Variants in WWOX observed in about 807,000 individuals in gnomAD.
The protein encoded by WWOX is WW domain containing oxidoreductase, also known as WW domain-containing oxidoreductase.
A neutral mutation model predicts 46.2 loss-of-function variants in WWOX; 69 were observed. That is an observed-to-expected ratio of 1.49 (90% CI 1.23 to 1.82). The LOEUF (loss-of-function observed/expected upper bound fraction) is 1.82, where lower values mean the gene tolerates loss of function less well. Among genes scored for constraint, WWOX ranks in the 40% most tolerant of loss-of-function variants. WWOX has a pLI of 0.00. For missense variants in WWOX, 919 were observed against 542.6 expected, an observed-to-expected ratio of 1.69 and a Z score of -6.89; for synonymous variants, 359 against 202.6, an observed-to-expected ratio of 1.77 and a Z score of -6.56.
At chr16:79,010,435 C>T (rs1304822402) in intron 8 of WWOX, among the ~76,000 whole-genome samples, 1 of 152,162 alleles carries the variant, frequency 6.6e-6, no homozygotes, top group African/African-American at 2.4e-5. Context: ...CACGGAGGAC[C>T]TGCCACTGGG....
intron 8 of WWOX, among the ~76,000 whole-genome samples, chr16:78,750,011 C>T (rs757104186): frequency 7.2e-5 from 11 of 152,192 alleles, no homozygotes; most frequent in Middle Eastern, 3.4e-3. Flanking sequence ...CCCTTCTTGT[C>T]GTTCAGTAGT....
At chr16:78,701,420 G>C (rs564663331) in intron 8 of WWOX, among the ~76,000 whole-genome samples, 4 of 152,152 alleles carry the variant, frequency 2.6e-5, no homozygotes, top group Admixed American at 2.6e-4. Context: ...CCCTCCATCT[G>C]ACAGGAGGTT....
chr16:78,279,308 T>G (rs771504667), intron 5 of WWOX, among the ~76,000 whole-genome samples: 1 of 152,122 alleles, frequency 6.6e-6, no homozygotes, highest in Non-Finnish European at 1.5e-5. Flanking sequence ...TTAAGTATTT[T>G]GCAAATTAAA....
chr16:78,503,368 G>A (rs16919), intron 8 of WWOX, among the ~76,000 whole-genome samples: 134,524 of 152,110 alleles, frequency 0.88, 60,433 homozygotes, highest in Non-Finnish European at 0.97. Flanking sequence ...ATTTAGTTCA[G>A]ATAATACATA....
intron 3 of WWOX, among the ~76,000 whole-genome samples, chr16:78,114,500 G>A (rs772924188): frequency 1.3e-5 from 2 of 152,266 alleles, no homozygotes; most frequent in Non-Finnish European, 1.5e-5. Flanking sequence ...AATGAAAATC[G>A]TTAGAATTTT....
intron 1 of WWOX, among the ~76,000 whole-genome samples, chr16:78,104,252 A>T (rs1476554443): frequency 1.3e-5 from 2 of 150,974 alleles, no homozygotes; most frequent in African/African-American, 4.9e-5. Context: ...ACACACACAC[A>T]CACACACACA....
rs2044510996 is a variant in WWOX, at chr16:78,564,299, G to C, written c.1056+131547G>C. Among the ~76,000 whole-genome samples, 2 of 152,244 alleles carry C rather than the reference G, an allele frequency of 1.3e-5. 1 individual carries two copies. Among genetic ancestry groups the C allele is most frequent in the Admixed American group, 1.3e-4 (2 of 15,284 alleles). On this transcript the variant is annotated intron_variant, in intron 8 of 8. Transcript: ENST00000566780. ...GGGAGCTGTTGTAAAGAAGTAAAAT[G>C]TGTAGTGTTTGCCCTTTTCCTCAGC...
At chr16:78,521,489 C>G (rs1477066196) in intron 8 of WWOX, among the ~76,000 whole-genome samples, 1 of 152,060 alleles carries the variant, frequency 6.6e-6, no homozygotes, top group African/African-American at 2.4e-5. Context: ...ACGCCAGTAC[C>G]TGCCACCTGT....
intron 8 of WWOX, among the ~76,000 whole-genome samples, chr16:79,100,603 G>A (rs1467616520): frequency 6.6e-6 from 1 of 152,072 alleles, no homozygotes; most frequent in Non-Finnish European, 1.5e-5. Context: ...CCTCACCCGT[G>A]TCTCTTAACA....
At chr16:78,488,226 G>C (rs2738703) in intron 8 of WWOX, among the ~76,000 whole-genome samples, 25,301 of 152,110 alleles carry the variant, frequency 0.17, 3,255 homozygotes, top group African/African-American at 0.36. Flanking sequence ...ATCCTGGTAC[G>C]CTGGAAGTTG....
intron 8 of WWOX, among the ~76,000 whole-genome samples, chr16:78,490,928 G>A (rs2084769147): frequency 6.6e-6 from 1 of 152,164 alleles, no homozygotes; most frequent in Non-Finnish European, 1.5e-5. Context: ...GAGCTCATAT[G>A]GAAGAGGCAT....
chr16:78,365,582 C>A (rs564301732), intron 5 of WWOX, among the ~76,000 whole-genome samples: 1 of 152,164 alleles, frequency 6.6e-6, no homozygotes, highest in Non-Finnish European at 1.5e-5. Flanking sequence ...TTCCCTGAAT[C>A]ATAGTGTTGC....
At chr16:78,813,739 C>T (rs1567578124) in intron 8 of WWOX, among the ~76,000 whole-genome samples, 1 of 152,120 alleles carries the variant, frequency 6.6e-6, no homozygotes, top group African/African-American at 2.4e-5. Flanking sequence ...CTCTTTGTCG[C>T]CGTTAATTTT....
intron 5 of WWOX, among the ~76,000 whole-genome samples, chr16:78,242,395 A>C (rs1031312802): frequency 1.3e-5 from 2 of 152,168 alleles, no homozygotes; most frequent in Non-Finnish European, 2.9e-5. Context: ...CATTAACACA[A>C]CTTCTCCGTG....
intron 8 of WWOX, among the ~76,000 whole-genome samples, chr16:79,113,121 G>A (rs2049448882): frequency 6.6e-6 from 1 of 152,192 alleles, no homozygotes; most frequent in South Asian, 2.1e-4. Context: ...AAACATATGT[G>A]TGTGTAATTA....
intron 8 of WWOX, among the ~76,000 whole-genome samples, chr16:78,736,371 T>A (rs1283620552): frequency 6.6e-6 from 1 of 152,012 alleles, no homozygotes. Context: ...CCAGAGAAGG[T>A]CACAAAAGCT....
At chr16:78,541,290 C>T (rs988598749) in intron 8 of WWOX, among the ~76,000 whole-genome samples, 2 of 150,716 alleles carry the variant, frequency 1.3e-5, no homozygotes, top group Non-Finnish European at 3.0e-5. Context: ...CCGGCTAAAA[C>T]GGTGAAACCC....
At chr16:79,179,335 AGG>A (rs1222267887) in intron 8 of WWOX, among the ~76,000 whole-genome samples, 2 of 152,178 alleles carry the variant, frequency 1.3e-5, no homozygotes, top group Non-Finnish European at 2.9e-5. Flanking sequence ...CAGCCATGAG[AGG>A]TACTCTTAGC....
intron 6 of WWOX, among the ~76,000 whole-genome samples, chr16:78,397,171 T>G (rs1363959470): frequency 1.3e-5 from 2 of 152,180 alleles, no homozygotes; most frequent in Admixed American, 1.3e-4. Flanking sequence ...TGGAACAGTG[T>G]GCTTTGCTGA....
Sources: gnomAD v4.1 joint callset for allele counts (sites outside exome capture counted in the v4.1 genomes callset) on GRCh38, gnomAD v4.1.1 for gene constraint, MANE v1.5 for transcripts, NCBI Gene and HGNC (gene_info 2026-07-23, HGNC 2026-07-21) for gene names.